Variants in LY75 observed in about 807,000 individuals in gnomAD.
LY75 encodes the protein C-type lectin domain family 13 member B.
A neutral mutation model predicts 231.7 loss-of-function variants in LY75; 185 were observed. The ratio of observed to expected loss-of-function variants is 0.80; its 90% CI spans 0.71 to 0.90. The LOEUF is 0.90. Among genes scored for constraint, LY75 ranks in the 40% least tolerant of loss-of-function variants. The probability of loss-of-function intolerance (pLI) is 0.00; values close to 1 mark genes in which losing one functional copy is unlikely to be tolerated. For missense variants in LY75, 1,947 were observed against 2,050.2 expected, an observed-to-expected ratio of 0.95 and a Z score of 0.97; for synonymous variants, 668 against 689.0, an observed-to-expected ratio of 0.97 and a Z score of 0.48.
Position 159,873,576 on chromosome 2 carries a change from C to G in LY75, c.1975-983G>C, listed in dbSNP as rs569290232. Among the ~76,000 whole-genome samples, 433 of 152,234 alleles carry G rather than the reference C, an allele frequency of 2.8e-3. 3 individuals carry two copies. Among genetic ancestry groups the G allele is most frequent in the Middle Eastern group, 6.8e-3 (2 of 294 alleles). ...AAGCCCAAACTAGATCAGTCAAACT[C>G]TAGCTGGCCTGAAGATCTGTGAGAA... On this transcript the variant is annotated intron_variant, in intron 12 of 34. Transcript: ENST00000263636.
intron 34 of LY75, among the ~76,000 whole-genome samples, chr2:159,805,727 T>C (rs1682771377): frequency 6.6e-6 from 1 of 152,228 alleles, no homozygotes; most frequent in Admixed American, 6.5e-5. Context: ...GGATTCGCTC[T>C]GTTCCATGAC....
chr2:159,827,078 G>C (rs565810774), intron 28 of LY75, among the ~76,000 whole-genome samples: 1 of 152,240 alleles, frequency 6.6e-6, no homozygotes, highest in African/African-American at 2.4e-5. Flanking sequence ...AACACCAAAA[G>C]CAACGGCAAC....
At chr2:159,818,109 A>G (rs1007210136) in intron 29 of LY75, among the ~76,000 whole-genome samples, 1 of 152,118 alleles carries the variant, frequency 6.6e-6, no homozygotes, top group African/African-American at 2.4e-5. Context: ...AAAATAGACA[A>G]ATATCCTGTG....
chr2:159,873,835 T>C (rs1288457227), intron 12 of LY75, among the ~76,000 whole-genome samples: 10 of 129,634 alleles, frequency 7.7e-5, no homozygotes, highest in Non-Finnish European at 1.4e-4. Flanking sequence ...GTATATATTT[T>C]GTAAAAATAC....
intron 28 of LY75, among the ~76,000 whole-genome samples, chr2:159,821,595 G>T (rs1187540554): frequency 7.0e-6 from 1 of 142,408 alleles, no homozygotes; most frequent in East Asian, 2.1e-4. Flanking sequence ...CTTCAGCTTC[G>T]GTGACAAGAG....
intron 14 of LY75, among the ~76,000 whole-genome samples, chr2:159,863,918 C>T (rs1255687278): frequency 6.6e-6 from 1 of 152,132 alleles, no homozygotes; most frequent in East Asian, 1.9e-4. Context: ...CATTGTGTTA[C>T]AAATCCCTAT....
At chr2:159,833,919 C>G (rs1291400661) in intron 27 of LY75, 125 bp downstream of exon 27, 67 of 1,091,920 alleles carry the variant, frequency 6.1e-5, no homozygotes, top group Non-Finnish European at 8.2e-5. Context: ...TGCCTTCTGC[C>G]ATGATTGTGA....
At chr2:159,874,907 A>C (rs1427288399) in intron 12 of LY75, among the ~76,000 whole-genome samples, 1 of 135,180 alleles carries the variant, frequency 7.4e-6, no homozygotes, top group African/African-American at 2.8e-5. Flanking sequence ...ATAAACATAT[A>C]TATTTTATAA....
At chr2:159,840,532 A>G (rs1471795435) in intron 25 of LY75, among the ~76,000 whole-genome samples, 197 bp downstream of exon 25, 1 of 152,178 alleles carries the variant, frequency 6.6e-6, no homozygotes, top group African/African-American at 2.4e-5. Flanking sequence ...TGATCACACC[A>G]CTGTACTCCA....
intron 25 of LY75, among the ~76,000 whole-genome samples, chr2:159,838,367 A>G (rs1326674609): frequency 2.0e-5 from 3 of 152,220 alleles, no homozygotes; most frequent in Admixed American, 6.5e-5. Flanking sequence ...TGAAAATAGG[A>G]TAAGAAGTAA....
At chr2:159,887,377 G>A (rs773643105) in intron 4 of LY75, among the ~76,000 whole-genome samples, 1 of 151,372 alleles carries the variant, frequency 6.6e-6, no homozygotes, top group Non-Finnish European at 1.5e-5. Flanking sequence ...GGCCAACACG[G>A]TGAAACCCTG....
At chr2:159,808,195 G>T in intron 33 of LY75, 1 of 875,690 alleles carries the variant, frequency 1.1e-6, no homozygotes, top group Non-Finnish European at 1.4e-6. Context: ...AAGGATCCCA[G>T]AAATAAGCCT....
At chr2:159,858,003 C>A (rs182682659) in intron 16 of LY75, among the ~76,000 whole-genome samples, 1 of 152,200 alleles carries the variant, frequency 6.6e-6, no homozygotes, top group East Asian at 1.9e-4. Flanking sequence ...CCTTATTCTT[C>A]CCAAGATTAT....
rs774428351 is a variant in LY75, at chr2:159,842,198, T to TATATATATATATATATATATAC, written c.3280+46_3280+47insGTATATATATATATATATATAT. The TATATATATATATATATATATAC allele has an allele frequency of 9.6e-6, 15 of 1,569,644 alleles. No individual in the cohort carries two copies. In the African/African-American group the frequency reaches 1.2e-4, roughly 13 times the overall value. On this transcript the variant is annotated intron_variant, in intron 24 of 34. Coordinates refer to ENST00000263636, the MANE Select transcript of LY75 (RefSeq NM_002349.4). ...GACTCTCTCTCTCTCTATATATATA[T>TATATATATATATATATATATAC]ATGTAATAGCATAAAGTACCATAGT...
At chr2:159,883,941 T>G (rs1320443236) in intron 6 of LY75, among the ~76,000 whole-genome samples, 3 of 152,186 alleles carry the variant, frequency 2.0e-5, no homozygotes, top group Non-Finnish European at 4.4e-5. Context: ...AAAATCATCC[T>G]TTCCCCTTGA....
At chr2:159,904,415 T>TA (rs1034946235) in intron 1 of LY75, among the ~76,000 whole-genome samples, 174 bp downstream of exon 1, 7 of 152,142 alleles carry the variant, frequency 4.6e-5, no homozygotes, top group Admixed American at 6.5e-5. Flanking sequence ...CTGGGGCGCT[T>TA]CCTCTGCCAG....
chr2:159,808,941 C>G (rs982925783), intron 32 of LY75, among the ~76,000 whole-genome samples: 1 of 152,146 alleles, frequency 6.6e-6, no homozygotes. Flanking sequence ...TGAACCCAGA[C>G]CCTCATGCCT....
chr2:159,835,423 C>T lies in LY75; in HGVS notation c.3673+57G>A, dbSNP rs2125843637. 5.5e-6 allele frequency: 8 copies of T among 1,462,028 alleles called. No homozygotes were observed. In the East Asian group the frequency reaches 1.0e-4, roughly 19 times the overall value. 90.6% of individuals were successfully genotyped at this position (1,462,028 alleles called of 1,614,324 possible). On this transcript the variant is annotated intron_variant, in intron 26 of 34. Coordinates refer to ENST00000263636, the MANE Select transcript of LY75 (RefSeq NM_002349.4). ...TTTATAAAACCACTCCTCAGAAATT[C>T]TACCACTTATGGGACTGTTAATAAT...
At chr2:159,886,581 A>T in intron 4 of LY75, 51 bp from the exon 5 acceptor site, 5 of 1,533,938 alleles carry the variant, frequency 3.3e-6, no homozygotes, top group Non-Finnish European at 4.4e-6. Context: ...CTAAGTTATT[A>T]TCTAAATTAG....
Sources: allele counts gnomAD v4.1 joint callset (sites outside exome capture counted in the v4.1 genomes callset), GRCh38; gene constraint gnomAD v4.1.1; transcripts MANE v1.5; gene names NCBI Gene and HGNC (gene_info 2026-07-23, HGNC 2026-07-21).